LARGE1: variants seen among roughly 807,000 people sequenced by gnomAD.
LARGE1 encodes the protein LARGE xylosyl- and glucuronyltransferase 1, also known as xylosyl- and glucuronyltransferase LARGE1.
A neutral mutation model predicts 87.6 loss-of-function variants in LARGE1; 43 were observed. That is an observed-to-expected ratio of 0.49 (90% CI 0.38 to 0.63). The LOEUF (loss-of-function observed/expected upper bound fraction) is 0.63. LARGE1 is among the 30% of genes least tolerant of loss of function. The pLI, the probability that LARGE1 is intolerant of heterozygous loss-of-function variation, is 0.00. For synonymous variants in LARGE1, 434 were observed against 394.6 expected, an observed-to-expected ratio of 1.10 and a Z score of -1.18; for missense variants, 802 against 1,000.2, an observed-to-expected ratio of 0.80 and a Z score of 2.67.
intron 6 of LARGE1, among the ~76,000 whole-genome samples, chr22:33,470,243 C>T (rs781162336): frequency 1.2e-4 from 18 of 152,024 alleles, no homozygotes; most frequent in Non-Finnish European, 2.4e-4. Context: ...ACCCTCATGA[C>T]ATGTAATTTA....
intron 5 of LARGE1, 52 bp downstream of exon 5, chr22:33,604,383 T>A: frequency 1.2e-6 from 2 of 1,612,586 alleles, no homozygotes; most frequent in East Asian, 4.5e-5. Context: ...CCACAAGTAA[T>A]AACGCTTCCA....
chr22:33,664,858 A>T (rs1449589836), intron 2 of LARGE1, among the ~76,000 whole-genome samples: 5 of 152,094 alleles, frequency 3.3e-5, no homozygotes, highest in Non-Finnish European at 5.9e-5. Context: ...ACTCCATCTT[A>T]AAAAAACAAC....
chr22:33,851,633 T>C (rs1038488926), intron 1 of LARGE1, among the ~76,000 whole-genome samples: 1 of 152,236 alleles, frequency 6.6e-6, no homozygotes, highest in Non-Finnish European at 1.5e-5. Context: ...ATTGGTTCAC[T>C]GCAGCAAGGT....
chr22:33,880,919 G>C (rs1262604312), intron 1 of LARGE1, among the ~76,000 whole-genome samples: 1 of 152,038 alleles, frequency 6.6e-6, no homozygotes, highest in Non-Finnish European at 1.5e-5. Context: ...CTTTTTATTA[G>C]AATATATTTT....
intron 2 of LARGE1, among the ~76,000 whole-genome samples, chr22:33,686,554 A>G (rs1224662684): frequency 1.4e-5 from 1 of 69,782 alleles, no homozygotes; most frequent in African/African-American, 6.5e-5. Context: ...AAAAAAAAAA[A>G]AAAAAAAAAA....
intron 6 of LARGE1, among the ~76,000 whole-genome samples, chr22:33,449,349 G>C (rs2067819061): frequency 1.3e-5 from 2 of 152,222 alleles, no homozygotes; most frequent in Non-Finnish European, 2.9e-5. Context: ...CGCAGAAAAG[G>C]AGTATCCCTA....
chr22:33,753,998 G>A (rs2084415081), intron 2 of LARGE1, among the ~76,000 whole-genome samples: 1 of 152,054 alleles, frequency 6.6e-6, no homozygotes, highest in East Asian at 1.9e-4. Flanking sequence ...GGAGGCGGAG[G>A]TTGCAATGAG....
In LARGE1 at chr22:33,235,600, T is replaced by C. The variant is rs143591103; in HGVS notation, c.1730+68629A>G. Among the ~76,000 whole-genome samples the C allele has an allele frequency of 2.4e-3, 358 of 152,332 alleles. 4 individuals are homozygous for C. The highest frequency in any genetic ancestry group is 0.01 in the Middle Eastern group (3 of 294). On this transcript the variant is annotated intron_variant, in intron 11 of 11. Transcript: ENST00000608642. ...ATGGTTGGCAAGTGATGGTAGCTGTTATCTAGGAGCTTAACTGAAGCTCCA... is the reference window on the plus strand; with the variant it reads ...ATGGTTGGCAAGTGATGGTAGCTGTCATCTAGGAGCTTAACTGAAGCTCCA...
At chr22:33,148,833 A>AT in the LARGE1 span, among the ~76,000 whole-genome samples, 4 of 152,144 alleles carry the variant, frequency 2.6e-5, no homozygotes, top group South Asian at 4.1e-4. Context: ...AAAATATTAA[A>AT]TTTTTTTGTG....
intron 3 of LARGE1, among the ~76,000 whole-genome samples, chr22:33,630,219 C>T (rs567907664): frequency 6.6e-6 from 1 of 151,718 alleles, no homozygotes; most frequent in Non-Finnish European, 1.5e-5. Context: ...CCCCAAAAAA[C>T]CGAAAACCAA....
the LARGE1 span, among the ~76,000 whole-genome samples, chr22:33,083,107 G>A: frequency 6.6e-6 from 1 of 152,126 alleles, no homozygotes; most frequent in Admixed American, 6.6e-5. Context: ...TCAAAACACT[G>A]TTGGTTTTAT....
At chr22:33,597,638 T>C (rs1426569485) in intron 5 of LARGE1, among the ~76,000 whole-genome samples, 1 of 152,158 alleles carries the variant, frequency 6.6e-6, no homozygotes, top group Non-Finnish European at 1.5e-5. Context: ...ATCATCTTTC[T>C]GATGTTGGTA....
At chr22:33,816,372 G>C (rs1200114712) in intron 1 of LARGE1, among the ~76,000 whole-genome samples, 2 of 152,146 alleles carry the variant, frequency 1.3e-5, no homozygotes, top group African/African-American at 4.8e-5. Context: ...GAAGTCCAAG[G>C]TCAAGACAAC....
chr22:33,104,895 C>CTTTCTTTCTTTCTT, the LARGE1 span, among the ~76,000 whole-genome samples: 11 of 56,448 alleles, frequency 1.9e-4, no homozygotes, highest in Non-Finnish European at 4.5e-4. Flanking sequence ...CTCTCTCTTT[C>CTTTCTTTCTTTCTT]TTTCTTTCTT....
intron 2 of LARGE1, among the ~76,000 whole-genome samples, chr22:33,726,994 G>A (rs1357079041): frequency 6.6e-6 from 1 of 152,198 alleles, no homozygotes; most frequent in Non-Finnish European, 1.5e-5. Context: ...GAGATGAGAT[G>A]TGAGTAGATT....
At chr22:33,334,453 C>T (rs1039724023) in intron 10 of LARGE1, among the ~76,000 whole-genome samples, 3 of 143,362 alleles carry the variant, frequency 2.1e-5, no homozygotes, top group Admixed American at 2.1e-4. Context: ...CAAAAAGAAA[C>T]AGGGCATGTC....
intron 2 of LARGE1, among the ~76,000 whole-genome samples, chr22:33,659,560 G>A (rs1386916123): frequency 4.6e-5 from 7 of 152,090 alleles, no homozygotes; most frequent in African/African-American, 1.7e-4. Context: ...CAGATTTGCT[G>A]TGGGAAGGAA....
At chr22:33,467,780 CA>C (rs1187428042) in intron 6 of LARGE1, among the ~76,000 whole-genome samples, 14 of 152,182 alleles carry the variant, frequency 9.2e-5, no homozygotes, top group Non-Finnish European at 1.9e-4. Flanking sequence ...TGGAAAGCAA[CA>C]GAGGCGCTGG....
intron 1 of LARGE1, among the ~76,000 whole-genome samples, chr22:33,868,665 C>A (rs2146655273): frequency 6.6e-6 from 1 of 152,312 alleles, no homozygotes; most frequent in South Asian, 2.1e-4. Flanking sequence ...AAAAACATTT[C>A]TGTGCCTCTT....
Sources: gnomAD v4.1 joint callset for allele counts (sites outside exome capture counted in the v4.1 genomes callset) on GRCh38, gnomAD v4.1.1 for gene constraint, MANE v1.5 for transcripts, NCBI Gene and HGNC (gene_info 2026-07-23, HGNC 2026-07-21) for gene names.